The following PAICS variants were observed in gnomAD, a reference collection of about 807,000 sequenced individuals.
PAICS encodes phosphoribosylaminoimidazole carboxylase and phosphoribosylaminoimidazolesuccinocarboxamide synthase.
Under a neutral mutation model 53.7 loss-of-function variants are expected in PAICS, and 33 were observed. That is an observed-to-expected ratio of 0.61 (90% CI 0.47 to 0.82). PAICS has a LOEUF of 0.82. Ranked by LOEUF, PAICS falls within the 40% of genes least tolerant of loss-of-function variation. The pLI, the probability that PAICS is intolerant of heterozygous loss-of-function variation, is 0.00. For missense variants in PAICS, 394 were observed against 494.1 expected, an observed-to-expected ratio of 0.80 and a Z score of 1.92; for synonymous variants, 141 against 167.2, an observed-to-expected ratio of 0.84 and a Z score of 1.21.
chr4:56,422,868 T>A, the PAICS span: 1 of 152,344 alleles, frequency 6.6e-6, no homozygotes, highest in South Asian at 2.1e-4. Flanking sequence ...AGCATCAGCA[T>A]TAACTGAGAA....
chr4:56,438,371 T>TTATATATA (rs61681463), intron 1 of PAICS, among the ~76,000 whole-genome samples: 8,375 of 112,200 alleles, frequency 0.075, 399 homozygotes, highest in Middle Eastern at 0.13. Context: ...TGCAATGTGT[T>TTATATATA]TATATATATA....
intron 3 of PAICS, among the ~76,000 whole-genome samples, chr4:56,447,136 T>C (rs1331348645): frequency 6.6e-6 from 1 of 151,758 alleles, no homozygotes; most frequent in Non-Finnish European, 1.5e-5. Context: ...AAAAGTAACA[T>C]TTAGTTAATT....
At chr4:56,456,171 A>G (rs138024676) in intron 8 of PAICS, among the ~76,000 whole-genome samples, 2,391 of 152,206 alleles carry the variant, frequency 0.016, 61 homozygotes, top group African/African-American at 0.055. Context: ...AGCTTACTGC[A>G]GCCTCCGCCT....
In PAICS at chr4:56,462,991, ACT is replaced by A. The variant is rs1212776903; in HGVS notation, c.*3456_*3457del. ...CTCCAGCCTGGGCAACAAGAGCAAAACTCTGTTTCAAAAAAAAAGAAAGAAAG... is the reference window on the plus strand; with the variant it reads ...CTCCAGCCTGGGCAACAAGAGCAAAACTGTTTCAAAAAAAAAGAAAGAAAG... On this transcript the variant is annotated 3_prime_UTR_variant, in exon 9 of 9. Coordinates refer to ENST00000512576, the MANE Select transcript of PAICS (RefSeq NM_001079524.2). The A allele has an allele frequency of 2.6e-5, 4 of 151,882 alleles. No homozygotes were observed. The highest frequency in any genetic ancestry group is 9.7e-5 in the African/African-American group (4 of 41,388). The allele number at this position is 151,882 out of a possible 1,614,324, so 9.4% of individuals were successfully genotyped here.
intron 1 of PAICS, among the ~76,000 whole-genome samples, chr4:56,440,708 T>C (rs1718295106): frequency 2.0e-5 from 3 of 152,242 alleles, no homozygotes; most frequent in Admixed American, 2.0e-4. Context: ...ATAGTCTGTA[T>C]TTATTGCATT....
At chr4:56,455,417 T>G (rs1279480095) in intron 8 of PAICS, among the ~76,000 whole-genome samples, 1 of 152,198 alleles carries the variant, frequency 6.6e-6, no homozygotes, top group Non-Finnish European at 1.5e-5. Context: ...TCCAGTGGAC[T>G]GGCTTCTCTC....
the PAICS span, among the ~76,000 whole-genome samples, chr4:56,415,325 A>G: frequency 6.6e-6 from 1 of 152,224 alleles, no homozygotes; most frequent in Non-Finnish European, 1.5e-5. Context: ...TTAGTCTGCA[A>G]TTTCATGTAA....
upstream of PAICS, among the ~76,000 whole-genome samples, chr4:56,430,813 G>C (rs1717545151): frequency 1.3e-5 from 2 of 151,886 alleles, no homozygotes; most frequent in African/African-American, 4.8e-5. Flanking sequence ...TGAGGAAACA[G>C]ACTCAGAAGT....
intron 2 of PAICS, chr4:56,446,487 C>A: frequency 1.5e-6 from 1 of 686,468 alleles, no homozygotes; most frequent in Non-Finnish European, 2.7e-6. Flanking sequence ...CTTTTTATGG[C>A]TGAACAATAC....
intron 2 of PAICS, chr4:56,446,273 T>C: frequency 1.5e-6 from 1 of 688,026 alleles, no homozygotes; most frequent in Non-Finnish European, 2.7e-6. Flanking sequence ...ACAAACTGTG[T>C]AGCATTAAAC....
chr4:56,460,043 C>A lies in PAICS; in HGVS notation c.*505C>A, dbSNP rs1719426723. On this transcript the variant is annotated 3_prime_UTR_variant, in exon 9 of 9. Transcript: ENST00000512576. ...TAACAGGGACTATAATCTTGCAGCA[C>A]CATGCCGAGCTAATTTTATTTTTTG... The A allele has an allele frequency of 6.5e-6, 1 of 153,056 alleles. No homozygotes were observed. Among genetic ancestry groups the A allele is most frequent in the Admixed American group, 6.5e-5 (1 of 15,354 alleles). 9.5% of individuals were successfully genotyped at this position (153,056 alleles called of 1,614,324 possible).
chr4:56,463,439 A>G lies in PAICS; in HGVS notation c.*3901A>G, dbSNP rs1719581608. ...CTGGGTGCAGTGGCTCACGCCTGTA[A>G]TCCCAGCACTTTGGGAGGGTGAGGT... On this transcript the variant is annotated 3_prime_UTR_variant, in exon 9 of 9. Coordinates refer to ENST00000512576, the MANE Select transcript of PAICS (RefSeq NM_001079524.2). The G allele has an allele frequency of 6.6e-6, 1 of 151,902 alleles. No homozygotes were observed. The highest frequency in any genetic ancestry group is 1.5e-5 in the Non-Finnish European group (1 of 68,142). The allele number at this position is 151,902 out of a possible 1,614,324, so 9.4% of individuals were successfully genotyped here. A position where few individuals can be genotyped will look rare whatever the true frequency, so the allele number is the denominator to read the frequency against.
chr4:56,464,107 A>C lies in PAICS; in HGVS notation c.*4569A>C, dbSNP rs1308121002. The C allele has an allele frequency of 6.6e-6, 1 of 152,226 alleles. No homozygotes were observed. The highest frequency in any genetic ancestry group is 2.1e-4 in the South Asian group (1 of 4,828). 9.4% of individuals were successfully genotyped at this position (152,226 alleles called of 1,614,324 possible). A position where few individuals can be genotyped will look rare whatever the true frequency, so the allele number is the denominator to read the frequency against. On this transcript the variant is annotated 3_prime_UTR_variant, in exon 9 of 9. Coordinates refer to ENST00000512576, the MANE Select transcript of PAICS (RefSeq NM_001079524.2). ...CTCAAGCCCTCGGGTTTGGAACTAC[A>C]CTGGCTTTCCTGGGCCTTCAGCCTG...
At chr4:56,429,790 T>G in the PAICS span, among the ~76,000 whole-genome samples, 3 of 152,220 alleles carry the variant, frequency 2.0e-5, no homozygotes, top group Non-Finnish European at 4.4e-5. Flanking sequence ...TCATTAATCA[T>G]CCTTCCGCCC....
intron 8 of PAICS, 51 bp downstream of exon 8, chr4:56,453,812 T>TGCACA (rs1560664170): frequency 1.6e-6 from 2 of 1,282,588 alleles, no homozygotes; most frequent in Non-Finnish European, 2.2e-6. Flanking sequence ...ATTTAACAGA[T>TGCACA]GCACAACAGT....
chr4:56,419,889 A>C, the PAICS span: 1 of 984,442 alleles, frequency 1.0e-6, no homozygotes, highest in Non-Finnish European at 1.2e-6. Context: ...GATCGTAAGA[A>C]CAGCTCAAGA....
At chr4:56,437,236 G>T (rs1235982137) in intron 1 of PAICS, among the ~76,000 whole-genome samples, 1 of 133,916 alleles carries the variant, frequency 7.5e-6, no homozygotes, top group African/African-American at 2.9e-5. Flanking sequence ...CTGTTTTTAG[G>T]TAGTCTTTGA....
the PAICS span, among the ~76,000 whole-genome samples, chr4:56,430,070 G>A: frequency 3.9e-5 from 6 of 152,004 alleles, no homozygotes; most frequent in African/African-American, 1.5e-4. Flanking sequence ...AGACCAGTCT[G>A]GGCAACATAG....
chr4:56,412,812 G>C, the PAICS span, among the ~76,000 whole-genome samples: 1 of 151,924 alleles, frequency 6.6e-6, no homozygotes, highest in Non-Finnish European at 1.5e-5. Context: ...CTCTTTACCG[G>C]GCTCCCTAGT....
Sources: allele counts gnomAD v4.1 joint callset (sites outside exome capture counted in the v4.1 genomes callset), GRCh38; gene constraint gnomAD v4.1.1; transcripts MANE v1.5; gene names NCBI Gene and HGNC (gene_info 2026-07-23, HGNC 2026-07-21).